Variants in PTPRT observed in about 807,000 individuals in gnomAD.
PTPRT encodes the protein protein tyrosine phosphatase receptor type T, also known as receptor-type tyrosine-protein phosphatase T.
Under a neutral mutation model 176.8 loss-of-function variants are expected in PTPRT, and 56 were observed. That is an observed-to-expected ratio of 0.32 (90% CI 0.26 to 0.40). The LOEUF (loss-of-function observed/expected upper bound fraction) is 0.40. Ranked by LOEUF, PTPRT falls within the 10% of genes least tolerant of loss-of-function variation. PTPRT has a pLI of 1.00. For synonymous variants in PTPRT, 783 were observed against 739.0 expected (o/e 1.06, Z -0.96); for missense variants, 1,540 against 1,908.2 (o/e 0.81, Z 3.60).
At chr20:42,477,487 G>A (rs760474382) in intron 7 of PTPRT, among the ~76,000 whole-genome samples, 4 of 152,120 alleles carry the variant, frequency 2.6e-5, no homozygotes, top group African/African-American at 4.8e-5. Flanking sequence ...CTTTCAGTCC[G>A]ACCCCTCTAA....
At chr20:42,101,287 C>G (rs1170230298) in intron 26 of PTPRT, among the ~76,000 whole-genome samples, 1 of 152,190 alleles carries the variant, frequency 6.6e-6, no homozygotes, top group African/African-American at 2.4e-5. Flanking sequence ...GGCTGTGCCA[C>G]TAGCTCCCTG....
intron 2 of PTPRT, among the ~76,000 whole-genome samples, chr20:42,877,720 G>T (rs2078957140): frequency 1.3e-5 from 2 of 152,126 alleles, no homozygotes; most frequent in South Asian, 4.2e-4. Context: ...CTCTGTTTAT[G>T]GCCCGTGAAC....
intron 1 of PTPRT, among the ~76,000 whole-genome samples, chr20:42,940,029 C>T (rs1980440937): frequency 6.6e-6 from 1 of 152,012 alleles, no homozygotes; most frequent in South Asian, 2.1e-4. Context: ...TGTGTGTCAG[C>T]CATGGTGCCA....
chr20:42,575,998 A>G (rs934264697), intron 7 of PTPRT, among the ~76,000 whole-genome samples: 1 of 152,154 alleles, frequency 6.6e-6, no homozygotes, highest in Admixed American at 6.5e-5. Flanking sequence ...TCAGAGGTTC[A>G]CCATCGCTTC....
chr20:42,991,042 T>C (rs1983885066), intron 1 of PTPRT, among the ~76,000 whole-genome samples: 1 of 152,164 alleles, frequency 6.6e-6, no homozygotes, highest in South Asian at 2.1e-4. Flanking sequence ...TTCGACCTTG[T>C]GGAGAGAAGC....
chr20:42,169,804 T>C (rs1262743359), intron 16 of PTPRT, among the ~76,000 whole-genome samples: 2 of 130,218 alleles, frequency 1.5e-5, no homozygotes, highest in African/African-American at 6.2e-5. Flanking sequence ...CAGTCAGTAT[T>C]GACTGTTGAC....
At chr20:43,100,187 C>G (rs1242396606) in intron 1 of PTPRT, among the ~76,000 whole-genome samples, 1 of 152,066 alleles carries the variant, frequency 6.6e-6, no homozygotes, top group Non-Finnish European at 1.5e-5. Flanking sequence ...ACAAGCCTGG[C>G]CAACCAGGGT....
At chr20:42,277,865 T>G (rs1295817363) in intron 13 of PTPRT, among the ~76,000 whole-genome samples, 1 of 148,998 alleles carries the variant, frequency 6.7e-6, no homozygotes, top group Non-Finnish European at 1.5e-5. Context: ...GGAAGAATAA[T>G]GACCTGTTAG....
chr20:42,311,713 A>C (rs1353536139), intron 12 of PTPRT, among the ~76,000 whole-genome samples: 1 of 151,948 alleles, frequency 6.6e-6, no homozygotes, highest in Non-Finnish European at 1.5e-5. Flanking sequence ...CCCATATCAA[A>C]TCTAGTGCTT....
In PTPRT at chr20:42,998,988, T is replaced by C. The variant is rs536245276; in HGVS notation, c.89-113056A>G. Among the ~76,000 whole-genome samples, 16 of 152,328 alleles carry C rather than the reference T, an allele frequency of 1.1e-4. No individual in the cohort carries two copies. The East Asian group carries it at 2.9e-3, about 28-fold the overall frequency. On this transcript the variant is annotated intron_variant, in intron 1 of 30. Transcript: ENST00000373187. ...TTCTCCAACCATTTCCCGTAATAAA[T>C]CAATTCCAGATTAATTTCAAGTTTA...
At chr20:42,140,936 G>A (rs956657929) in intron 18 of PTPRT, among the ~76,000 whole-genome samples, 18 of 152,262 alleles carry the variant, frequency 1.2e-4, no homozygotes, top group Admixed American at 9.2e-4. Context: ...TCATTGTAAA[G>A]GGGAGGAATC....
intron 1 of PTPRT, among the ~76,000 whole-genome samples, chr20:43,186,794 T>C (rs1375410700): frequency 6.6e-6 from 1 of 152,258 alleles, no homozygotes; most frequent in Non-Finnish European, 1.5e-5. Context: ...ACTGTACTGC[T>C]AACAGTTCCC....
chr20:42,451,645 T>A (rs2070830268), intron 8 of PTPRT, among the ~76,000 whole-genome samples: 2 of 152,206 alleles, frequency 1.3e-5, no homozygotes, highest in Admixed American at 6.6e-5. Context: ...CATTGTAGCA[T>A]CCAAAGAAGG....
chr20:42,978,994 C>T (rs1222412633), intron 1 of PTPRT, among the ~76,000 whole-genome samples: 2 of 152,176 alleles, frequency 1.3e-5, no homozygotes, highest in African/African-American at 4.8e-5. Context: ...TAGGAACTCA[C>T]CCTGAATTCT....
intron 1 of PTPRT, among the ~76,000 whole-genome samples, chr20:42,886,554 G>T (rs925307168): frequency 6.6e-6 from 1 of 152,224 alleles, no homozygotes; most frequent in Non-Finnish European, 1.5e-5. Flanking sequence ...TTTTCATGGA[G>T]TGAGAATCGA....
chr20:42,297,369 C>T (rs2057402320), intron 12 of PTPRT, among the ~76,000 whole-genome samples: 1 of 152,122 alleles, frequency 6.6e-6, no homozygotes, highest in South Asian at 2.1e-4. Flanking sequence ...GAAAACTTTA[C>T]AGCACCCATG....
chr20:42,728,117 C>T (rs932056741), intron 6 of PTPRT, among the ~76,000 whole-genome samples: 3 of 152,222 alleles, frequency 2.0e-5, no homozygotes, highest in South Asian at 2.1e-4. Context: ...TCTCACTTCA[C>T]TAACAGCTGT....
intron 9 of PTPRT, among the ~76,000 whole-genome samples, chr20:42,418,959 A>G (rs1325248902): frequency 1.3e-5 from 2 of 152,194 alleles, no homozygotes; most frequent in African/African-American, 2.4e-5. Context: ...GAGGAGAGAG[A>G]TTTGTCTGTT....
chr20:42,637,154 A>G (rs2074621419), intron 7 of PTPRT, among the ~76,000 whole-genome samples: 1 of 152,120 alleles, frequency 6.6e-6, no homozygotes, highest in Admixed American at 6.5e-5. Flanking sequence ...TGAGGACCTA[A>G]TAATTTGCAT....
Sources: gnomAD v4.1 joint callset for allele counts (sites outside exome capture counted in the v4.1 genomes callset) on GRCh38, gnomAD v4.1.1 for gene constraint, MANE v1.5 for transcripts, NCBI Gene and HGNC (gene_info 2026-07-23, HGNC 2026-07-21) for gene names.